Variants in LRRTM4 observed in about 807,000 individuals in gnomAD.
LRRTM4 encodes the protein leucine rich repeat transmembrane neuronal 4.
LRRTM4 carries 25 observed loss-of-function variants against 47.6 expected under a neutral mutation model. The observed-to-expected ratio is 0.53, with a 90% CI of 0.38 to 0.73. The LOEUF is 0.73. Ranked by LOEUF, LRRTM4 falls within the 30% of genes least tolerant of loss-of-function variation. LRRTM4 has a pLI of 0.00. For synonymous variants in LRRTM4, 311 were observed against 269.5 expected (o/e 1.15, Z -1.51); for missense variants, 638 against 713.4 (o/e 0.89, Z 1.20).
intron 3 of LRRTM4, among the ~76,000 whole-genome samples, chr2:77,411,401 CTTTA>C (rs935538506): frequency 2.7e-5 from 4 of 149,578 alleles, no homozygotes; most frequent in South Asian, 2.1e-4. Flanking sequence ...TTTCTTTCTT[CTTTA>C]TTTCTCTCTT....
At chr2:76,796,971 G>C (rs1197435674) in intron 3 of LRRTM4, among the ~76,000 whole-genome samples, 1 of 152,076 alleles carries the variant, frequency 6.6e-6, no homozygotes, top group Non-Finnish European at 1.5e-5. Flanking sequence ...TATGTGAAAA[G>C]ACCAAATCTA....
At chr2:76,849,671 C>G (rs1671935673) in intron 3 of LRRTM4, among the ~76,000 whole-genome samples, 1 of 151,862 alleles carries the variant, frequency 6.6e-6, no homozygotes, top group Non-Finnish European at 1.5e-5. Flanking sequence ...CAAATAAATT[C>G]CAAAATTCAT....
At chr2:77,273,429 C>A (rs377682918) in intron 3 of LRRTM4, among the ~76,000 whole-genome samples, 42 of 152,106 alleles carry the variant, frequency 2.8e-4, no homozygotes, top group Admixed American at 1.4e-3. Flanking sequence ...TAATGTAATT[C>A]TGTTTTTATT....
At chr2:76,849,142 A>T (rs1671919542) in intron 3 of LRRTM4, among the ~76,000 whole-genome samples, 1 of 152,078 alleles carries the variant, frequency 6.6e-6, no homozygotes, top group Admixed American at 6.6e-5. Context: ...ACACAGTATT[A>T]ATAATAGCTG....
At chr2:76,940,635 A>T (rs1573343715) in intron 3 of LRRTM4, among the ~76,000 whole-genome samples, 1 of 152,024 alleles carries the variant, frequency 6.6e-6, no homozygotes, top group African/African-American at 2.4e-5. Flanking sequence ...CCCTGAACTT[A>T]AAATAAAACT....
chr2:77,140,914 A>C (rs1302565423), intron 3 of LRRTM4, among the ~76,000 whole-genome samples: 2 of 152,188 alleles, frequency 1.3e-5, no homozygotes, highest in African/African-American at 4.8e-5. Flanking sequence ...AATCAAAACC[A>C]CAGTGAGATA....
chr2:76,897,408 TAAAAC>T (rs1673460071), intron 3 of LRRTM4, among the ~76,000 whole-genome samples: 2 of 152,102 alleles, frequency 1.3e-5, no homozygotes, highest in African/African-American at 4.8e-5. Context: ...TGGGCATAAA[TAAAAC>T]AAAAATGAAT....
At chr2:76,787,033 G>A (rs1338011543) in intron 3 of LRRTM4, among the ~76,000 whole-genome samples, 3 of 151,982 alleles carry the variant, frequency 2.0e-5, no homozygotes, top group Non-Finnish European at 4.4e-5. Context: ...ATATCTAAGG[G>A]AAGTACATAA....
chr2:77,423,984 A>G (rs1312185543), intron 3 of LRRTM4, among the ~76,000 whole-genome samples: 1 of 152,074 alleles, frequency 6.6e-6, no homozygotes, highest in African/African-American at 2.4e-5. Flanking sequence ...TGTCAATTAG[A>G]ATAATTTTTT....
chr2:77,269,136 G>A (rs1676127373), intron 3 of LRRTM4, among the ~76,000 whole-genome samples: 1 of 151,574 alleles, frequency 6.6e-6, no homozygotes. Flanking sequence ...CATTTTCTTT[G>A]ACCTTCCATC....
intron 3 of LRRTM4, among the ~76,000 whole-genome samples, chr2:77,236,790 T>C (rs1675114568): frequency 6.6e-6 from 1 of 152,174 alleles, no homozygotes; most frequent in Non-Finnish European, 1.5e-5. Flanking sequence ...CAAATGGTTT[T>C]TGTTTTTAAT....
intron 3 of LRRTM4, among the ~76,000 whole-genome samples, chr2:76,839,110 A>G (rs944732809): frequency 6.6e-6 from 1 of 152,252 alleles, no homozygotes; most frequent in South Asian, 2.1e-4. Flanking sequence ...AAGGATATTT[A>G]CCACAATGTA....
At chr2:76,914,964 C>G (rs1674194261) in intron 3 of LRRTM4, among the ~76,000 whole-genome samples, 1 of 152,144 alleles carries the variant, frequency 6.6e-6, no homozygotes, top group Admixed American at 6.5e-5. Context: ...TACTCCTTTT[C>G]TTTGTTGTTG....
chr2:77,088,768 A>C (rs993236073), intron 3 of LRRTM4, among the ~76,000 whole-genome samples: 2 of 151,990 alleles, frequency 1.3e-5, no homozygotes, highest in Admixed American at 1.3e-4. Context: ...TCCACCTACG[A>C]CCTCAGGTCC....
intron 3 of LRRTM4, among the ~76,000 whole-genome samples, chr2:76,799,505 G>A (rs1444245045): frequency 7.0e-6 from 1 of 143,850 alleles, no homozygotes; most frequent in East Asian, 2.0e-4. Flanking sequence ...ATACTGAATG[G>A]GCAAAAACTG....
At chr2:76,763,838 A>G (rs974650870) in intron 3 of LRRTM4, among the ~76,000 whole-genome samples, 1 of 152,204 alleles carries the variant, frequency 6.6e-6, no homozygotes, top group Non-Finnish European at 1.5e-5. Context: ...GGTATTCTGT[A>G]CATTGTAGCA....
chr2:76,987,917 C>T (rs561800178), intron 3 of LRRTM4, among the ~76,000 whole-genome samples: 53 of 151,868 alleles, frequency 3.5e-4, no homozygotes, highest in African/African-American at 1.2e-3. Flanking sequence ...TTGGTGAGTA[C>T]TAATAATGAT....
At chr2:76,813,188 C>A (rs1012288907) in intron 3 of LRRTM4, among the ~76,000 whole-genome samples, 2 of 151,972 alleles carry the variant, frequency 1.3e-5, no homozygotes, top group African/African-American at 2.4e-5. Flanking sequence ...TTCCTCAGCT[C>A]CACTAAAGGA....
At chr2:77,097,462 T>TA (rs1320544223) in intron 3 of LRRTM4, among the ~76,000 whole-genome samples, 31 of 152,006 alleles carry the variant, frequency 2.0e-4, no homozygotes, top group African/African-American at 2.4e-5. Context: ...TGCCAATCCG[T>TA]AAAATCATGT....
Sources: allele counts gnomAD v4.1 joint callset (sites outside exome capture counted in the v4.1 genomes callset), GRCh38; gene constraint gnomAD v4.1.1; transcripts MANE v1.5; gene names NCBI Gene and HGNC (gene_info 2026-07-23, HGNC 2026-07-21).